The following DLGAP2 variants were observed in gnomAD, a reference collection of about 807,000 sequenced individuals.
DLGAP2 encodes disks large-associated protein 2.
A neutral mutation model predicts 100.3 loss-of-function variants in DLGAP2; 26 were observed. That is an observed-to-expected ratio of 0.26 (90% CI 0.19 to 0.36). The LOEUF is 0.36. Among genes scored for constraint, DLGAP2 ranks in the 10% least tolerant of loss-of-function variants. The probability of loss-of-function intolerance (pLI) is 1.00; values close to 1 mark genes in which losing one functional copy is unlikely to be tolerated. For missense variants in DLGAP2, 1,858 were observed against 1,453.2 expected (o/e 1.28, Z -4.53); for synonymous variants, 886 against 630.1 (o/e 1.41, Z -6.08).
intron 6 of DLGAP2, among the ~76,000 whole-genome samples, chr8:1,616,912 A>G (rs555734842): frequency 2.0e-5 from 3 of 152,066 alleles, no homozygotes; most frequent in Non-Finnish European, 2.9e-5. Context: ...AGGCCCCAGT[A>G]TGTGTAGTTT....
chr8:1,235,551 C>T lies in DLGAP2; in HGVS notation c.74-23300C>T, dbSNP rs543040430. 1.3e-3 allele frequency among the ~76,000 whole-genome samples: 27 copies of T among 21,044 alleles called. 3 individuals are homozygous for T. The highest frequency in any genetic ancestry group is 2.8e-3 in the African/African-American group (24 of 8,682). 13.8% of individuals were successfully genotyped at this position (21,044 alleles called of 152,430 possible). A position where few individuals can be genotyped will look rare whatever the true frequency, so the allele number is the denominator to read the frequency against. On this transcript the variant is annotated intron_variant, in intron 2 of 14. Coordinates refer to ENST00000637795, the MANE Select transcript of DLGAP2 (RefSeq NM_001346810.2). Reference sequence around the variant, plus strand: ...CATCATGTCTAGTTCTCTCACATGGCGCCATGTCTAGTTCTCTCACATGGC... The same window carrying T: ...CATCATGTCTAGTTCTCTCACATGGTGCCATGTCTAGTTCTCTCACATGGC...
intron 2 of DLGAP2, among the ~76,000 whole-genome samples, chr8:1,172,655 C>T (rs1374688376): frequency 1.3e-5 from 2 of 152,132 alleles, no homozygotes; most frequent in African/African-American, 4.8e-5. Flanking sequence ...CGCTGATACC[C>T]TTTCTTCCAG....
At chr8:1,305,750 G>C (rs1360891755) in intron 3 of DLGAP2, among the ~76,000 whole-genome samples, 1 of 152,174 alleles carries the variant, frequency 6.6e-6, no homozygotes, top group Non-Finnish European at 1.5e-5. Context: ...GAAGCTGGGA[G>C]AGTTCCTTCA....
At chr8:1,631,044 C>T (rs1050411154) in intron 7 of DLGAP2, among the ~76,000 whole-genome samples, 5 of 151,336 alleles carry the variant, frequency 3.3e-5, no homozygotes, top group Non-Finnish European at 5.9e-5. Context: ...GCGGGAGGTC[C>T]GGGTGCCCCA....
intron 2 of DLGAP2, among the ~76,000 whole-genome samples, chr8:1,022,228 T>G (rs893391113): frequency 6.6e-6 from 1 of 151,250 alleles, no homozygotes; most frequent in Non-Finnish European, 1.5e-5. Flanking sequence ...GACAGTCCCA[T>G]GCCGAGGTAG....
intron 3 of DLGAP2, among the ~76,000 whole-genome samples, chr8:1,308,580 C>T (rs1007519571): frequency 1.3e-5 from 2 of 152,318 alleles, no homozygotes; most frequent in South Asian, 2.1e-4. Context: ...GGCTGGAGTG[C>T]AGTGGTGTGA....
At chr8:1,618,175 C>T (rs1339578416) in intron 6 of DLGAP2, among the ~76,000 whole-genome samples, 4 of 152,096 alleles carry the variant, frequency 2.6e-5, no homozygotes, top group Admixed American at 2.0e-4. Context: ...GTTTAGGTTC[C>T]AGGTTTATTC....
At chr8:1,593,509 T>A (rs900338873) in intron 6 of DLGAP2, among the ~76,000 whole-genome samples, 9 of 152,156 alleles carry the variant, frequency 5.9e-5, no homozygotes, top group African/African-American at 2.2e-4. Flanking sequence ...TGACACTAAT[T>A]GAAAATCTCC....
At chr8:1,240,603 G>A (rs540699702) in intron 2 of DLGAP2, among the ~76,000 whole-genome samples, 152 of 146,892 alleles carry the variant, frequency 1.0e-3, no homozygotes, top group African/African-American at 3.5e-3. Context: ...ACATGGTGCC[G>A]TGTCTAGTTC....
At chr8:1,181,935 T>C (rs961685664) in intron 2 of DLGAP2, among the ~76,000 whole-genome samples, 1 of 152,184 alleles carries the variant, frequency 6.6e-6, no homozygotes, top group Non-Finnish European at 1.5e-5. Context: ...GAACCGTTGA[T>C]AGACAATAAC....
At chr8:867,915 G>T (rs189604918) in intron 1 of DLGAP2, among the ~76,000 whole-genome samples, 3 of 152,300 alleles carry the variant, frequency 2.0e-5, no homozygotes, top group Admixed American at 2.0e-4. Flanking sequence ...GTTGGCAGTT[G>T]TGCCAATTTT....
chr8:853,518 C>G (rs1263440680), intron 1 of DLGAP2, among the ~76,000 whole-genome samples: 1 of 152,114 alleles, frequency 6.6e-6, no homozygotes, highest in Non-Finnish European at 1.5e-5. Flanking sequence ...ATGGGGATCC[C>G]CCACGACATC....
chr8:1,672,688 C>A (rs1798720472), intron 10 of DLGAP2, among the ~76,000 whole-genome samples: 1 of 152,198 alleles, frequency 6.6e-6, no homozygotes, highest in Non-Finnish European at 1.5e-5. Context: ...CATGGCTGCC[C>A]CAGAGCTCCA....
Position 1,548,836 on chromosome 8 carries a change from G to A in DLGAP2, c.383G>A (p.Cys128Tyr), listed in dbSNP as rs1801647479. Residue 128 changes from cysteine to tyrosine, a missense_variant, in exon 5 of 15, where the codon TGC (cysteine) becomes TAC (tyrosine). Cys to Tyr is a radical substitution (Grantham distance 194). Transcript: ENST00000637795. ...TACCTGCTGAGCCCCGCCGACAGCT[G>A]CCCCGGGGGGCGCCACCGCTGCTCG... Reference protein sequence around the residue: ...PPYLLSPADSCPGGRHRCSPR... With the variant: ...PPYLLSPADSYPGGRHRCSPR... The A allele has an allele frequency of 3.2e-6, 5 of 1,578,866 alleles. No individual in the cohort carries two copies. The highest frequency in any genetic ancestry group is 1.3e-5 in the African/African-American group (1 of 74,466).
intron 1 of DLGAP2, among the ~76,000 whole-genome samples, chr8:814,842 C>T (rs568960796): frequency 8.8e-6 from 1 of 113,832 alleles, no homozygotes; most frequent in East Asian, 2.8e-4. Flanking sequence ...CAGAGCAAGA[C>T]TCCGTCTCAA....
chr8:1,575,547 C>A (rs1802932810), intron 6 of DLGAP2, among the ~76,000 whole-genome samples: 1 of 150,074 alleles, frequency 6.7e-6, no homozygotes, highest in Non-Finnish European at 1.5e-5. Context: ...TATACATGTG[C>A]CATGTTGGTG....
chr8:837,620 G>C (rs1315985685), intron 1 of DLGAP2, among the ~76,000 whole-genome samples: 1 of 151,764 alleles, frequency 6.6e-6, no homozygotes, highest in Non-Finnish European at 1.5e-5. Flanking sequence ...GGCTTCCCAG[G>C]CTGGCTGCTG....
intron 2 of DLGAP2, among the ~76,000 whole-genome samples, chr8:1,138,074 C>T (rs78724148): frequency 0.023 from 3,440 of 152,342 alleles, 140 homozygotes; most frequent in African/African-American, 0.076. Flanking sequence ...CACACTGCCC[C>T]GCTGACACCG....
Position 1,582,487 on chromosome 8 carries a change from T to G in DLGAP2, c.1442+16593T>G, listed in dbSNP as rs150682577. Reference sequence around the variant, plus strand: ...CTAGAATGAGAGAAAATATCTTTCATAAATCAAAATGAAAAAAGTCATCCT... The same window carrying G: ...CTAGAATGAGAGAAAATATCTTTCAGAAATCAAAATGAAAAAAGTCATCCT... On this transcript the variant is annotated intron_variant, in intron 6 of 14. Coordinates refer to ENST00000637795, the MANE Select transcript of DLGAP2 (RefSeq NM_001346810.2). Among the ~76,000 whole-genome samples, 5 of 127,546 alleles carry G rather than the reference T, an allele frequency of 3.9e-5. No individual in the cohort carries two copies. In the East Asian group the frequency reaches 1.1e-3, roughly 28 times the overall value. The allele number at this position is 127,546 out of a possible 152,430, so 83.7% of individuals were successfully genotyped here.
Sources: gnomAD v4.1 joint callset for allele counts (sites outside exome capture counted in the v4.1 genomes callset) on GRCh38, gnomAD v4.1.1 for gene constraint, MANE v1.5 for transcripts, NCBI Gene and HGNC (gene_info 2026-07-23, HGNC 2026-07-21) for gene names.